Variants in LRRN3 observed in about 807,000 individuals in gnomAD.
LRRN3 encodes leucine rich repeat neuronal 3, also known as leucine-rich repeat neuronal protein 3.
LRRN3 carries 15 observed loss-of-function variants against 40.1 expected under a neutral mutation model. That is an observed-to-expected ratio of 0.37 (90% CI 0.25 to 0.58). The LOEUF (loss-of-function observed/expected upper bound fraction) is 0.58. Among genes scored for constraint, LRRN3 ranks in the 20% least tolerant of loss-of-function variants. The pLI, the probability that LRRN3 is intolerant of heterozygous loss-of-function variation, is 0.72. For missense variants in LRRN3, 746 were observed against 837.7 expected (o/e 0.89, Z 1.35); for synonymous variants, 308 against 297.2 (o/e 1.04, Z -0.37).
At chr7:111,097,504 T>A (rs1446498563) in intron 1 of LRRN3, among the ~76,000 whole-genome samples, 2 of 151,916 alleles carry the variant, frequency 1.3e-5, no homozygotes, top group African/African-American at 4.8e-5. Flanking sequence ...ATTTGTTCTA[T>A]AATTTATAGT....
intron 2 of LRRN3, among the ~76,000 whole-genome samples, chr7:111,100,343 G>C (rs577900307): frequency 8.8e-4 from 132 of 149,822 alleles, no homozygotes; most frequent in African/African-American, 2.9e-3. Context: ...CTAACAACAG[G>C]CTCTTTCTAC....
At chr7:111,120,204 G>A (rs1342790017) in intron 2 of LRRN3, among the ~76,000 whole-genome samples, 3 of 152,108 alleles carry the variant, frequency 2.0e-5, no homozygotes, top group Admixed American at 6.6e-5. Flanking sequence ...GTTACTGATT[G>A]CATTAATCCG....
chr7:111,115,323 T>C (rs935058261), intron 2 of LRRN3, among the ~76,000 whole-genome samples: 2 of 152,232 alleles, frequency 1.3e-5, no homozygotes, highest in African/African-American at 4.8e-5. Flanking sequence ...TTTGTTTTAC[T>C]AATCATGTAC....
At chr7:111,108,694 A>G (rs958753036) in intron 2 of LRRN3, among the ~76,000 whole-genome samples, 2 of 152,150 alleles carry the variant, frequency 1.3e-5, no homozygotes, top group Admixed American at 1.3e-4. Context: ...CTGAATTTAA[A>G]AAAAACATAT....
At chr7:111,120,038 T>A (rs1482859736) in intron 2 of LRRN3, among the ~76,000 whole-genome samples, 3 of 152,096 alleles carry the variant, frequency 2.0e-5, no homozygotes, top group Non-Finnish European at 4.4e-5. Context: ...CAACCATAGC[T>A]CTACCAATAG....
At chr7:111,122,085 G>A (rs183601797) in intron 2 of LRRN3, among the ~76,000 whole-genome samples, 1 of 132,886 alleles carries the variant, frequency 7.5e-6, no homozygotes, top group Admixed American at 7.8e-5. Context: ...GTTGTGGGGT[G>A]GGGGGAGGGA....
intron 2 of LRRN3, among the ~76,000 whole-genome samples, chr7:111,120,876 T>C (rs1471449979): frequency 1.3e-5 from 2 of 152,094 alleles, no homozygotes; most frequent in Non-Finnish European, 2.9e-5. Flanking sequence ...ATCTAACTCA[T>C]TTGGTTGTAA....
chr7:111,092,048 T>C lies in LRRN3; in HGVS notation c.-441+544T>C, dbSNP rs1340267508. The stretch of plus-strand genomic sequence containing the variant: ...AGTGGATGCAAATTAAGGCAAATGC[T>C]GTTGTATGTTAAGAGCTAAACCACT... On this transcript the variant is annotated intron_variant, in intron 1 of 2. Coordinates refer to ENST00000308478, the MANE Select transcript of LRRN3 (RefSeq NM_001099658.2). Among the ~76,000 whole-genome samples, 7 of 152,352 alleles carry C rather than the reference T, an allele frequency of 4.6e-5. No individual in the cohort carries two copies. The East Asian group carries it at 1.4e-3, about 29-fold the overall frequency.
Position 111,124,516 on chromosome 7 carries a change from C to A in LRRN3, c.1744C>A (p.His582Asn). 6.2e-7 allele frequency: 1 copy of A among 1,613,776 alleles called. No homozygotes were observed. Among genetic ancestry groups the A allele is most frequent in the East Asian group, 2.2e-5 (1 of 44,826 alleles). Residue 582 changes from histidine (H) to asparagine (N), a missense_variant, in exon 3 of 3, where the codon CAT (histidine) becomes AAT (asparagine). Coordinates refer to ENST00000308478, the MANE Select transcript of LRRN3 (RefSeq NM_001099658.2). Reference sequence around the variant, plus strand: ...TGATGTCAAGGTATATAATCTTACTCATCTGAATCCATCAACTGAGTATAA... The same window carrying A: ...TGATGTCAAGGTATATAATCTTACTAATCTGAATCCATCAACTGAGTATAA... ...PSDVKVYNLTHLNPSTEYKIC... is the reference protein window; with the variant it reads ...PSDVKVYNLTNLNPSTEYKIC...
At chr7:111,114,963 A>G in intron 2 of LRRN3, among the ~76,000 whole-genome samples, 1 of 152,104 alleles carries the variant, frequency 6.6e-6, no homozygotes, top group East Asian at 1.9e-4. Context: ...GACAGGCATC[A>G]CCCAAATAGA....
At chr7:111,120,586 T>C (rs912420524) in intron 2 of LRRN3, among the ~76,000 whole-genome samples, 9 of 152,154 alleles carry the variant, frequency 5.9e-5, no homozygotes, top group African/African-American at 2.2e-4. Context: ...GTTTTTTCAT[T>C]GTTAGTAATG....
intron 2 of LRRN3, among the ~76,000 whole-genome samples, chr7:111,109,878 G>GT (rs1045352032): frequency 3.9e-5 from 6 of 152,192 alleles, no homozygotes; most frequent in African/African-American, 1.4e-4. Context: ...GCTCATGCCT[G>GT]TAATTCCAGC....
Position 111,124,757 on chromosome 7 carries a change from T to A in LRRN3, c.1985T>A (p.Val662Glu), listed in dbSNP as rs764069033. ...EMNCDGGHSYVRNYLQKPTFA... is the reference protein window; with the variant it reads ...EMNCDGGHSYERNYLQKPTFA... ...AACTGTGATGGTGGACACAGCTATG[T>A]GAGGAATTACTTACAGAAACCAACC... The change falls in exon 3 of 3, where the codon GTG becomes GAG. Residue 662 changes from valine to glutamate, a missense_variant. Coordinates refer to ENST00000308478, the MANE Select transcript of LRRN3 (RefSeq NM_001099658.2). 2.5e-6 allele frequency: 4 copies of A among 1,613,722 alleles called. No individual in the cohort carries two copies. In the Admixed American group the frequency reaches 5.0e-5, roughly 20 times the overall value.
intron 2 of LRRN3, among the ~76,000 whole-genome samples, chr7:111,111,010 G>C (rs1322410196): frequency 6.6e-6 from 1 of 152,034 alleles, no homozygotes; most frequent in African/African-American, 2.4e-5. Flanking sequence ...TTGCTTTTCT[G>C]AGCCTAAACT....
At chr7:111,104,435 T>A (rs1798315896) in intron 2 of LRRN3, among the ~76,000 whole-genome samples, 1 of 151,836 alleles carries the variant, frequency 6.6e-6, no homozygotes, top group Non-Finnish European at 1.5e-5. Flanking sequence ...TTGATAATGC[T>A]CCATGTTTAT....
chr7:111,103,001 C>A (rs1192470319), intron 2 of LRRN3, among the ~76,000 whole-genome samples: 1 of 151,450 alleles, frequency 6.6e-6, no homozygotes, highest in Non-Finnish European at 1.5e-5. Flanking sequence ...AAATTGCTGA[C>A]AATAACATGG....
At chr7:111,110,054 G>C (rs1799016267) in intron 2 of LRRN3, among the ~76,000 whole-genome samples, 1 of 152,184 alleles carries the variant, frequency 6.6e-6, no homozygotes, top group Non-Finnish European at 1.5e-5. Context: ...AGAATCGCTT[G>C]AACCCAGGAG....
chr7:111,124,539 T>C lies in LRRN3; in HGVS notation c.1767T>C (p.Tyr589=). The change falls in exon 3 of 3, where the codon TAT becomes TAC. Residue 589 remains tyrosine, a synonymous_variant. Transcript: ENST00000308478. ...CTCATCTGAATCCATCAACTGAGTA[T>C]AAAATTTGTATTGATATTCCCACCA... ...NLTHLNPSTE[Y]KICIDIPTIY... The C allele has an allele frequency of 6.2e-7, 1 of 1,613,424 alleles. No homozygotes were observed. Among genetic ancestry groups the C allele is most frequent in the Non-Finnish European group, 8.5e-7 (1 of 1,179,570 alleles).
chr7:111,109,775 G>A (rs1239846546), intron 2 of LRRN3, among the ~76,000 whole-genome samples: 6 of 152,034 alleles, frequency 3.9e-5, no homozygotes, highest in South Asian at 2.1e-4. Context: ...GACTACTATC[G>A]CTGTTTTCAT....
Sources: allele counts gnomAD v4.1 joint callset (sites outside exome capture counted in the v4.1 genomes callset), GRCh38; gene constraint gnomAD v4.1.1; transcripts MANE v1.5; gene names NCBI Gene and HGNC (gene_info 2026-07-23, HGNC 2026-07-21).